The following BBOF1 variants were observed in gnomAD, a reference collection of about 807,000 sequenced individuals.
BBOF1 encodes the protein basal body orientation factor 1.
A neutral mutation model predicts 68.0 loss-of-function variants in BBOF1; 62 were observed. The observed-to-expected ratio is 0.91, with a 90% CI of 0.74 to 1.13. BBOF1 has a LOEUF of 1.13. BBOF1 is among the 50% of genes most tolerant of loss of function. BBOF1 has a pLI of 0.00. For missense variants in BBOF1, 534 were observed against 600.1 expected (o/e 0.89, Z 1.15); for synonymous variants, 208 against 198.8 (o/e 1.05, Z -0.39).
At chr14:74,070,083 C>A (rs117623322), downstream of BBOF1, among the ~76,000 whole-genome samples, 1 of 151,968 alleles carries the variant, frequency 6.6e-6, no homozygotes, top group African/African-American at 2.4e-5. Flanking sequence ...TCAAGTGATC[C>A]GCCTGCCTTC....
At chr14:74,072,785 A>G (rs150508051) in intron 9 of BBOF1, among the ~76,000 whole-genome samples, 1 of 152,138 alleles carries the variant, frequency 6.6e-6, no homozygotes, top group East Asian at 1.9e-4. Flanking sequence ...ATCCCTATCT[A>G]TTCTGTGTGT....
chr14:74,055,731 T>C (rs1246205634), intron 9 of BBOF1, 46 bp downstream of exon 9: 1 of 1,398,984 alleles, frequency 7.1e-7, no homozygotes, highest in South Asian at 1.2e-5. Flanking sequence ...TTATCAAATC[T>C]AGAAACCACT....
chr14:74,025,595 C>G (rs2140955084), intron 2 of BBOF1, among the ~76,000 whole-genome samples: 1 of 152,304 alleles, frequency 6.6e-6, no homozygotes, highest in African/African-American at 2.4e-5. Flanking sequence ...GAATTAATCA[C>G]AGAATAATCT....
intron 9 of BBOF1, chr14:74,072,614 G>GAA: frequency 1.9e-6 from 3 of 1,581,264 alleles, no homozygotes; most frequent in South Asian, 1.1e-5. Flanking sequence ...ACAGTTGGCT[G>GAA]AAAAAAACAA....
chr14:74,062,958 C>T (rs996407183), intron 11 of BBOF1, among the ~76,000 whole-genome samples: 1 of 152,142 alleles, frequency 6.6e-6, no homozygotes, highest in African/African-American at 2.4e-5. Context: ...CTGCTCTGTT[C>T]CAGGTACTGC....
At chr14:74,034,579 A>G (rs758627328) in intron 4 of BBOF1, among the ~76,000 whole-genome samples, 1 of 152,220 alleles carries the variant, frequency 6.6e-6, no homozygotes, top group Non-Finnish European at 1.5e-5. Flanking sequence ...CAGTAGGGTG[A>G]GAAACACTGA....
At chr14:74,049,488 C>A (rs1251671584) in intron 7 of BBOF1, among the ~76,000 whole-genome samples, 1 of 151,932 alleles carries the variant, frequency 6.6e-6, no homozygotes, top group East Asian at 1.9e-4. Flanking sequence ...ATGGTGAAAC[C>A]CTGTCTCTAC....
chr14:74,067,003 C>T, downstream of BBOF1: 2 of 974,198 alleles, frequency 2.1e-6, no homozygotes, highest in Non-Finnish European at 3.2e-6. Flanking sequence ...ACTGCTTGAG[C>T]CCAGGAGTTC....
chr14:74,072,162 T>C, intron 9 of BBOF1: 1 of 1,613,822 alleles, frequency 6.2e-7, no homozygotes, highest in Non-Finnish European at 8.5e-7. Context: ...AAACATGCCC[T>C]AGGTGACAGT....
chr14:74,044,195 G>A (rs560010474), intron 5 of BBOF1, among the ~76,000 whole-genome samples: 3 of 151,970 alleles, frequency 2.0e-5, no homozygotes, highest in South Asian at 4.2e-4. Flanking sequence ...GCAGTGAGCC[G>A]AGATCATGCC....
At chr14:74,050,502 G>A (rs1282790745) in intron 8 of BBOF1, among the ~76,000 whole-genome samples, 1 of 151,958 alleles carries the variant, frequency 6.6e-6, no homozygotes, top group East Asian at 1.9e-4. Flanking sequence ...CTTTTCACTT[G>A]TTCCTTTGTT....
At chr14:74,047,195 T>C (rs923447608) in intron 6 of BBOF1, among the ~76,000 whole-genome samples, 7 of 152,166 alleles carry the variant, frequency 4.6e-5, no homozygotes, top group Non-Finnish European at 2.9e-5. Context: ...CATCTAACTC[T>C]CAGGTCTTAA....
chr14:74,026,915 ACT>A (rs200271464), intron 2 of BBOF1, among the ~76,000 whole-genome samples: 3,117 of 149,172 alleles, frequency 0.021, 45 homozygotes, highest in Non-Finnish European at 0.033. Flanking sequence ...ACAGAGTGAG[ACT>A]CCATCTCAAA....
intron 2 of BBOF1, among the ~76,000 whole-genome samples, chr14:74,025,927 G>C (rs1174619807): frequency 4.0e-5 from 6 of 151,486 alleles, no homozygotes; most frequent in Non-Finnish European, 8.8e-5. Flanking sequence ...ATCACATGAG[G>C]CCAGGAGTTT....
chr14:74,056,953 C>T lies in BBOF1; in HGVS notation c.1436C>T (p.Ser479Phe). The change falls in exon 10 of 12, where the codon TCT (serine) becomes TTT (phenylalanine). Residue 479 changes from serine to phenylalanine, a missense_variant. Coordinates refer to ENST00000394009, the MANE Select transcript of BBOF1 (RefSeq NM_025057.3). ...SRPPVPDYVVSDSGETKEFGD... is the reference protein window; with the variant it reads ...SRPPVPDYVVFDSGETKEFGD... ...CCTCCAGTTCCAGACTATGTTGTTT[C>T]TGACAGTGGGGAAACAAAGGAATTT... is the stretch of plus-strand genomic sequence containing the variant. The T allele has an allele frequency of 6.2e-7, 1 of 1,613,866 alleles. No homozygotes were observed. Among genetic ancestry groups the T allele is most frequent in the Non-Finnish European group, 8.5e-7 (1 of 1,179,920 alleles).
Position 74,065,261 on chromosome 14 carries a change from G to A in BBOF1, c.*562G>A, listed in dbSNP as rs777355870. On this transcript the variant is annotated 3_prime_UTR_variant, in exon 12 of 12. Coordinates refer to ENST00000394009, the MANE Select transcript of BBOF1 (RefSeq NM_025057.3). ...AAGATGGCAGTTCCATTTCCATATG[G>A]GTTGTTATTTACAATCTGGATGGCT... is the stretch of plus-strand genomic sequence containing the variant. The A allele has an allele frequency of 6.2e-7, 1 of 1,614,068 alleles. No individual in the cohort carries two copies. The highest frequency in any genetic ancestry group is 8.5e-7 in the Non-Finnish European group (1 of 1,179,990).
downstream of BBOF1, chr14:74,066,566 C>A (rs2060469533): frequency 2.2e-6 from 2 of 907,982 alleles, no homozygotes; most frequent in Non-Finnish European, 3.5e-6. Flanking sequence ...ATTCAGACTC[C>A]AGATAAAATA....
At chr14:74,068,388 G>GAA (rs3082879), downstream of BBOF1, among the ~76,000 whole-genome samples, 35,231 of 150,588 alleles carry the variant, frequency 0.23, 4,583 homozygotes, top group South Asian at 0.46. Context: ...CAAAAAAAAA[G>GAA]AAAAAAAGTG....
chr14:74,058,992 G>C (rs1250891452), intron 11 of BBOF1: 1 of 154,690 alleles, frequency 6.5e-6, no homozygotes, highest in Non-Finnish European at 1.4e-5. Flanking sequence ...GCTGAGGCAG[G>C]AGAATTGCTT....
Sources: gnomAD v4.1 joint callset for allele counts (sites outside exome capture counted in the v4.1 genomes callset) on GRCh38, gnomAD v4.1.1 for gene constraint, MANE v1.5 for transcripts, NCBI Gene and HGNC (gene_info 2026-07-23, HGNC 2026-07-21) for gene names.